The following HDX variants were observed in gnomAD, a reference collection of about 807,000 sequenced individuals.
HDX encodes chromosome X open reading frame 43.
Under a neutral mutation model 45.2 loss-of-function variants are expected in HDX, and 19 were observed. That is an observed-to-expected ratio of 0.42 (90% confidence interval 0.29 to 0.62). The LOEUF (loss-of-function observed/expected upper bound fraction) is 0.62, where lower values mean the gene tolerates loss of function less well. HDX is among the 20% of genes least tolerant of loss of function. The pLI, the probability that HDX is intolerant of heterozygous loss-of-function variation, is 0.20. For missense variants in HDX, 532 were observed against 493.9 expected, an observed-to-expected ratio of 1.08 and a Z score of -0.73; for synonymous variants, 188 against 172.8, an observed-to-expected ratio of 1.09 and a Z score of -0.69.
Position 84,408,499 on chromosome X carries a change from G to GTTTTTTTTTT in HDX, c.1305+32023_1305+32032dup, listed in dbSNP as rs1220751208. Among the ~76,000 whole-genome samples, 86 of 44,395 alleles carry GTTTTTTTTTT rather than the reference G, an allele frequency of 1.9e-3. 10 individuals carry two copies. Among genetic ancestry groups the GTTTTTTTTTT allele is most frequent in the East Asian group, 0.011 (13 of 1,212 alleles). The allele number at this position is 44,395 out of a possible 115,157, so 38.6% of individuals were successfully genotyped here. A position where few individuals can be genotyped will look rare whatever the true frequency, so the allele number is the denominator to read the frequency against. ...TGCATAAAGTGATGCCTCCAGCTTT[G>GTTTTTTTTTT]TTTTTTTTTTTTTTTTTTTTTTTGC... is the stretch of plus-strand genomic sequence containing the variant. On this transcript the variant is annotated intron_variant, in intron 5 of 10. Transcript: ENST00000373177.
chrX:84,357,852 A>G (rs1315447227), intron 6 of HDX, among the ~76,000 whole-genome samples: 2 of 112,396 alleles, frequency 1.8e-5, no homozygotes, highest in South Asian at 3.7e-4. Context: ...CCAATGGGAT[A>G]TAAGTGAACA....
At chrX:84,333,283 A>G (rs938197624) in intron 9 of HDX, among the ~76,000 whole-genome samples, 2 of 111,527 alleles carry the variant, frequency 1.8e-5, no homozygotes, top group Non-Finnish European at 3.8e-5. Context: ...AGAAAAGGTC[A>G]TCTGTATTCA....
chrX:84,425,239 G>T (rs758357750), intron 5 of HDX, among the ~76,000 whole-genome samples: 18 of 112,162 alleles, frequency 1.6e-4, no homozygotes, highest in African/African-American at 5.5e-4. Context: ...AATCATCAGA[G>T]AAATGCAAAT....
Position 84,323,875 on chromosome X carries a change from A to C in HDX, c.1948-1861T>G, listed in dbSNP as rs2036651849. Reference sequence around the variant, plus strand: ...CTACGGTCATTTTTCCCAAGAGATTAAAGCATTTTCCATATGCTCAGATCT... The same window carrying C: ...CTACGGTCATTTTTCCCAAGAGATTCAAGCATTTTCCATATGCTCAGATCT... On this transcript the variant is annotated intron_variant, in intron 10 of 10. Transcript: ENST00000373177. Among the ~76,000 whole-genome samples the C allele has an allele frequency of 2.7e-5, 3 of 112,606 alleles. No individual in the cohort carries two copies. In the South Asian group the frequency reaches 1.1e-3, roughly 40 times the overall value.
At chrX:84,451,301 G>A (rs1167562661) in intron 4 of HDX, among the ~76,000 whole-genome samples, 1 of 110,698 alleles carries the variant, frequency 9.0e-6, no homozygotes, top group South Asian at 3.7e-4. Context: ...GAGAAAAAAA[G>A]AAGACATAAA....
chrX:84,348,220 G>C (rs1278357015), intron 6 of HDX, among the ~76,000 whole-genome samples: 1 of 111,522 alleles, frequency 9.0e-6, no homozygotes, highest in Non-Finnish European at 1.9e-5. Context: ...ATCAAGTTCA[G>C]AAATTATTTC....
chrX:84,447,556 C>A (rs1343774565), intron 4 of HDX, among the ~76,000 whole-genome samples: 1 of 111,185 alleles, frequency 9.0e-6, no homozygotes, highest in Non-Finnish European at 1.9e-5. Flanking sequence ...GAGGTGACAG[C>A]ATTGCTCCAG....
At chrX:84,360,236 C>T (rs2037587201) in intron 6 of HDX, among the ~76,000 whole-genome samples, 1 of 111,598 alleles carries the variant, frequency 9.0e-6, no homozygotes, top group African/African-American at 3.3e-5. Flanking sequence ...GAAATACCAT[C>T]TCACGCCAAT....
At chrX:84,487,148 A>G (rs1216334265) in intron 2 of HDX, among the ~76,000 whole-genome samples, 1 of 112,103 alleles carries the variant, frequency 8.9e-6, no homozygotes, top group Non-Finnish European at 1.9e-5. Flanking sequence ...AAAATTTCAG[A>G]TAATGAATTT....
At chrX:84,374,646 G>A (rs1401089499) in intron 5 of HDX, among the ~76,000 whole-genome samples, 3 of 107,059 alleles carry the variant, frequency 2.8e-5, no homozygotes, top group Admixed American at 2.0e-4. Flanking sequence ...AATGGGGAAA[G>A]GATTCCCTAT....
Position 84,326,247 on chromosome X carries a change from G to A in HDX, c.1878C>T (p.Tyr626=). ...TTCTAACAAAAGTCTGAAGTTTAAA[G>A]TATTTTTGCTTTTGAATCTCGAGCT... The part of the protein sequence containing the change: ...ENELEIQKQK[Y]FKLQTFVRSL... The change falls in exon 10 of 11, where the codon TAC becomes TAT. Residue 626 remains tyrosine (Y), a synonymous_variant. Transcript: ENST00000373177. 8.4e-7 allele frequency: 1 copy of A among 1,194,858 alleles called. No homozygotes were observed. Among genetic ancestry groups the A allele is most frequent in the South Asian group, 1.8e-5 (1 of 56,505 alleles).
chrX:84,437,199 G>C (rs1239226654), intron 5 of HDX, among the ~76,000 whole-genome samples: 2 of 111,271 alleles, frequency 1.8e-5, no homozygotes, highest in Non-Finnish European at 3.8e-5. Flanking sequence ...GTAAAAAGCT[G>C]TAAAAAGAGA....
intron 5 of HDX, among the ~76,000 whole-genome samples, chrX:84,410,712 A>AT (rs766345261): frequency 9.0e-6 from 1 of 111,703 alleles, no homozygotes; most frequent in African/African-American, 3.3e-5. Context: ...CACCTCCTCA[A>AT]TTTTTTTGGA....
intron 2 of HDX, among the ~76,000 whole-genome samples, chrX:84,481,352 T>C (rs1186956147): frequency 9.0e-6 from 1 of 111,458 alleles, no homozygotes; most frequent in Non-Finnish European, 1.9e-5. Context: ...CTATTTTTTG[T>C]TCAGCAAGTA....
At chrX:84,431,156 A>G (rs989723643) in intron 5 of HDX, among the ~76,000 whole-genome samples, 7 of 110,205 alleles carry the variant, frequency 6.4e-5, no homozygotes, top group African/African-American at 2.3e-4. Context: ...CGCTTAGGGT[A>G]ATGGCCTCCA....
At chrX:84,399,478 T>C (rs2038646496) in intron 5 of HDX, among the ~76,000 whole-genome samples, 1 of 111,037 alleles carries the variant, frequency 9.0e-6, no homozygotes, top group Admixed American at 9.6e-5. Context: ...AATGGATAAA[T>C]TTCTGAACAC....
At chrX:84,498,648 A>G (rs745634714) in intron 1 of HDX, among the ~76,000 whole-genome samples, 11 of 112,197 alleles carry the variant, frequency 9.8e-5, no homozygotes, top group Non-Finnish European at 1.5e-4. Flanking sequence ...AGAAGGAAAT[A>G]AATGTTTTTA....
At chrX:84,412,374 T>C (rs762897629) in intron 5 of HDX, among the ~76,000 whole-genome samples, 6 of 111,919 alleles carry the variant, frequency 5.4e-5, no homozygotes, top group African/African-American at 1.9e-4. Context: ...AAATTCTGTA[T>C]CATTTGCTTG....
intron 6 of HDX, among the ~76,000 whole-genome samples, chrX:84,351,489 T>C (rs1460217258): frequency 9.0e-6 from 1 of 111,338 alleles, no homozygotes; most frequent in East Asian, 2.9e-4. Context: ...CTGCAGTTTT[T>C]CCCCGTGGTA....
Sources: allele counts gnomAD v4.1 joint callset (sites outside exome capture counted in the v4.1 genomes callset), GRCh38; gene constraint gnomAD v4.1.1; transcripts MANE v1.5; gene names NCBI Gene and HGNC (gene_info 2026-07-23, HGNC 2026-07-21).